Variants in SAMSN1 observed in about 807,000 individuals in gnomAD.
SAMSN1 encodes SAM domain-containing protein SAMSN-1.
SAMSN1 carries 31 observed loss-of-function variants against 42.0 expected under a neutral mutation model. That is an observed-to-expected ratio of 0.74 (90% CI 0.55 to 1.00). The LOEUF is 1.00. Among genes scored for constraint, SAMSN1 ranks in the 50% least tolerant of loss-of-function variants. The probability of loss-of-function intolerance (pLI) is 0.00; values close to 1 mark genes in which losing one functional copy is unlikely to be tolerated. For missense variants in SAMSN1, 464 were observed against 439.4 expected, an observed-to-expected ratio of 1.06 and a Z score of -0.50; for synonymous variants, 178 against 151.9, an observed-to-expected ratio of 1.17 and a Z score of -1.26.
intron 2 of SAMSN1, among the ~76,000 whole-genome samples, chr21:14,555,217 G>A (rs1281503203): frequency 1.3e-5 from 2 of 152,160 alleles, no homozygotes; most frequent in Non-Finnish European, 2.9e-5. Context: ...TTCTGAGATT[G>A]CAACGTGCTC....
chr21:14,618,709 CGTGT>C (rs140423899), intron 2 of SAMSN1, among the ~76,000 whole-genome samples: 3 of 144,988 alleles, frequency 2.1e-5, no homozygotes, highest in African/African-American at 5.0e-5. Flanking sequence ...CGCGCACGCG[CGTGT>C]GTGTGTGTGT....
At chr21:14,558,049 C>A (rs903829213) in intron 2 of SAMSN1, among the ~76,000 whole-genome samples, 19 of 152,112 alleles carry the variant, frequency 1.2e-4, no homozygotes, top group African/African-American at 4.1e-4. Flanking sequence ...CATATAGGTG[C>A]TTGATTGTTT....
chr21:14,563,270 A>G (rs1038943106), intron 2 of SAMSN1, among the ~76,000 whole-genome samples: 1 of 152,216 alleles, frequency 6.6e-6, no homozygotes, highest in Non-Finnish European at 1.5e-5. Flanking sequence ...GAATACCATA[A>G]CTGACACTGA....
In SAMSN1 at chr21:14,603,301, C is replaced by A. The variant is rs1342042959; in HGVS notation, c.323-1202G>T. Reference sequence around the variant, plus strand: ...TAGAAAAAGAACAGTAAAGTGGCCTCCTGTGTTCTAGAATCTGGAATCAAG... The same window carrying A: ...TAGAAAAAGAACAGTAAAGTGGCCTACTGTGTTCTAGAATCTGGAATCAAG... On this transcript the variant is annotated intron_variant, in intron 5 of 15. Transcript: ENST00000647101. Among the ~76,000 whole-genome samples the A allele has an allele frequency of 4.6e-5, 7 of 152,274 alleles. No individual in the cohort carries two copies. The East Asian group carries it at 1.3e-3, about 29-fold the overall frequency.
At chr21:14,534,540 C>T (rs920617028) in intron 1 of SAMSN1, among the ~76,000 whole-genome samples, 1 of 147,494 alleles carries the variant, frequency 6.8e-6, no homozygotes, top group Non-Finnish European at 1.5e-5. Context: ...TTTTTTGAGA[C>T]GGAGTCTCGC....
At chr21:14,494,378 C>T (rs966594571) in intron 7 of SAMSN1, among the ~76,000 whole-genome samples, 2 of 152,086 alleles carry the variant, frequency 1.3e-5, no homozygotes, top group African/African-American at 4.8e-5. Flanking sequence ...TACTACGCAG[C>T]CATAAAAAAG....
At chr21:14,600,658 AC>A in intron 6 of SAMSN1, among the ~76,000 whole-genome samples, 1 of 152,206 alleles carries the variant, frequency 6.6e-6, no homozygotes, top group East Asian at 1.9e-4. Flanking sequence ...CTATTTTTCT[AC>A]GAAAAACCTA....
At chr21:14,581,834 A>C (rs1981741913) in intron 2 of SAMSN1, among the ~76,000 whole-genome samples, 2 of 152,186 alleles carry the variant, frequency 1.3e-5, no homozygotes, top group Non-Finnish European at 2.9e-5. Flanking sequence ...TAATTGCAAT[A>C]ATTTAGACAG....
Position 14,485,853 on chromosome 21 carries a change from T to C in SAMSN1, c.*59A>G. 1.5e-6 allele frequency: 2 copies of C among 1,329,660 alleles called. No individual in the cohort carries two copies. The highest frequency in any genetic ancestry group is 2.2e-6 in the Non-Finnish European group (2 of 925,956). The allele number at this position is 1,329,660 out of a possible 1,614,324, so 82.4% of individuals were successfully genotyped here. ...TTATCTTCCTCTCCTATTTGACGTT[T>C]TAGCTCAAGAAGAGTTAAAATGGAA... is the stretch of plus-strand genomic sequence containing the variant. On this transcript the variant is annotated 3_prime_UTR_variant, in exon 8 of 8. Transcript: ENST00000400566.
intron 2 of SAMSN1, among the ~76,000 whole-genome samples, chr21:14,560,627 C>T (rs556747069): frequency 6.6e-6 from 1 of 152,276 alleles, no homozygotes; most frequent in Admixed American, 6.5e-5. Context: ...TAGTAATCAA[C>T]AAGCTTTAGA....
intron 6 of SAMSN1, among the ~76,000 whole-genome samples, chr21:14,601,015 C>T (rs575575293): frequency 2.6e-5 from 4 of 152,272 alleles, no homozygotes; most frequent in Admixed American, 2.0e-4. Flanking sequence ...CATGAAAGTA[C>T]TGAGATATTT....
chr21:14,535,531 C>A (rs191274263), intron 1 of SAMSN1, among the ~76,000 whole-genome samples: 1 of 152,184 alleles, frequency 6.6e-6, no homozygotes, highest in Non-Finnish European at 1.5e-5. Context: ...GCTGAATTGA[C>A]TCCCACAAAT....
intron 2 of SAMSN1, among the ~76,000 whole-genome samples, chr21:14,628,095 T>A (rs1446336264): frequency 1.3e-5 from 2 of 152,250 alleles, no homozygotes; most frequent in East Asian, 3.9e-4. Flanking sequence ...AAAATATCAA[T>A]TAAAACAAAG....
At chr21:14,622,444 A>G (rs919880088) in intron 2 of SAMSN1, among the ~76,000 whole-genome samples, 1 of 152,260 alleles carries the variant, frequency 6.6e-6, no homozygotes, top group Non-Finnish European at 1.5e-5. Flanking sequence ...GATGGAGCTG[A>G]AAACCATGGT....
At chr21:14,522,025 A>G (rs1449550508) in intron 1 of SAMSN1, among the ~76,000 whole-genome samples, 1 of 152,202 alleles carries the variant, frequency 6.6e-6, no homozygotes, top group African/African-American at 2.4e-5. Context: ...AGCAGCATTT[A>G]GGTATGCACA....
At chr21:14,649,096 A>G (rs1444801289) in intron 1 of SAMSN1, among the ~76,000 whole-genome samples, 5 of 152,152 alleles carry the variant, frequency 3.3e-5, no homozygotes, top group Admixed American at 6.5e-5. Flanking sequence ...AGCCATAAAA[A>G]AGGATGAGTT....
chr21:14,576,686 G>A (rs1981477905), intron 2 of SAMSN1, among the ~76,000 whole-genome samples: 1 of 152,100 alleles, frequency 6.6e-6, no homozygotes, highest in Non-Finnish European at 1.5e-5. Flanking sequence ...CCATTGTGAT[G>A]AGTTCATACA....
At chr21:14,539,617 C>T (rs1342742204) in intron 1 of SAMSN1, among the ~76,000 whole-genome samples, 1 of 151,720 alleles carries the variant, frequency 6.6e-6, no homozygotes, top group African/African-American at 2.4e-5. Flanking sequence ...AGGAGAACTA[C>T]AAACCATTGC....
At chr21:14,629,318 T>C (rs1432282005) in intron 2 of SAMSN1, among the ~76,000 whole-genome samples, 3 of 152,154 alleles carry the variant, frequency 2.0e-5, no homozygotes, top group African/African-American at 7.2e-5. Context: ...CATCAAAGAA[T>C]GCCCAGCAAT....
Sources: allele counts gnomAD v4.1 joint callset (sites outside exome capture counted in the v4.1 genomes callset), GRCh38; gene constraint gnomAD v4.1.1; transcripts MANE v1.5; gene names NCBI Gene and HGNC (gene_info 2026-07-23, HGNC 2026-07-21).